CALU: variants seen among roughly 807,000 people sequenced by gnomAD.
CALU encodes IEF SSP 9302.
A neutral mutation model predicts 37.5 loss-of-function variants in CALU; 13 were observed. The ratio of observed to expected loss-of-function variants is 0.35; its 90% CI spans 0.23 to 0.55. The LOEUF is 0.55. CALU is among the 20% of genes least tolerant of loss of function. The probability of loss-of-function intolerance (pLI) is 0.89; values close to 1 mark genes in which losing one functional copy is unlikely to be tolerated. For missense variants in CALU, 282 were observed against 391.7 expected (o/e 0.72, Z 2.36); for synonymous variants, 114 against 133.8 (o/e 0.85, Z 1.02).
intron 1 of CALU, among the ~76,000 whole-genome samples, chr7:128,742,460 T>A (rs1354004490): frequency 6.6e-6 from 1 of 152,256 alleles, no homozygotes; most frequent in Non-Finnish European, 1.5e-5. Flanking sequence ...TCAACCATAA[T>A]AACTGTTGGA....
Position 128,769,227 on chromosome 7 carries a change from A to G in CALU, c.*60A>G, listed in dbSNP as rs1313802011. 4.3e-6 allele frequency: 4 copies of G among 932,818 alleles called. No homozygotes were observed. Among genetic ancestry groups the G allele is most frequent in the Non-Finnish European group, 5.0e-6 (3 of 594,546 alleles). 57.8% of individuals were successfully genotyped at this position (932,818 alleles called of 1,614,324 possible). On this transcript the variant is annotated 3_prime_UTR_variant, in exon 7 of 7. Coordinates refer to ENST00000249364, the MANE Select transcript of CALU (RefSeq NM_001219.5). ...TTATTTTTACAGCTTCTGGTTTCAC[A>G]TGAAATTGTTTGCGCTACTGAGACT...
intron 1 of CALU, among the ~76,000 whole-genome samples, chr7:128,741,990 A>G (rs1800259421): frequency 1.3e-5 from 2 of 152,198 alleles, no homozygotes; most frequent in Admixed American, 1.3e-4. Flanking sequence ...GCCAGATTTT[A>G]CACTTCTATT....
rs899016738 is a variant in CALU at position 128,773,372 on chromosome 7, C to T, written c.*4205C>T. Among the ~76,000 whole-genome samples the T allele has an allele frequency of 6.6e-6, 1 of 152,084 alleles. No individual in the cohort carries two copies. The highest frequency in any genetic ancestry group is 2.4e-5 in the African/African-American group (1 of 41,382). On this transcript the variant is annotated 3_prime_UTR_variant, in exon 7 of 7. Transcript: ENST00000249364. ...ACGTGTGCCATGGTGGTTTGCTGCA[C>T]GAGTTTTTCAATAAAATGCTTTCAT... is the stretch of plus-strand genomic sequence containing the variant.
chr7:128,748,531 G>A (rs915295037), intron 1 of CALU, 42 bp from the exon 2 acceptor site: 1 of 1,454,686 alleles, frequency 6.9e-7, no homozygotes, highest in East Asian at 2.3e-5. Context: ...TAGTTATTAA[G>A]CATACTGCCT....
intron 4 of CALU, 148 bp from the exon 5 acceptor site, chr7:128,759,640 TACAG>T: frequency 1.8e-6 from 1 of 562,564 alleles, no homozygotes; most frequent in Non-Finnish European, 3.2e-6. Context: ...GTTTTAACCA[TACAG>T]ACACACATGC....
chr7:128,759,425 G>C (rs1801014140), intron 4 of CALU, among the ~76,000 whole-genome samples: 1 of 152,154 alleles, frequency 6.6e-6, no homozygotes, highest in Admixed American at 6.5e-5. Context: ...TGACAACATA[G>C]ACTATCTATA....
At position 128,764,538 on chromosome 7, in the gene CALU, G is replaced by A. The variant is rs1331656692; in HGVS notation, c.644-2918G>A. 2.6e-5 allele frequency among the ~76,000 whole-genome samples: 4 copies of A among 152,238 alleles called. No homozygotes were observed. The East Asian group carries it at 5.8e-4, about 22-fold the overall frequency. On this transcript the variant is annotated intron_variant, in intron 5 of 6. Coordinates refer to ENST00000249364, the MANE Select transcript of CALU (RefSeq NM_001219.5). ...ATACCATAGCAACTTCTTACCTGCC[G>A]TCTTTCATATGAATAATTTGGACAC...
At chr7:128,762,541 G>C (rs1801161081) in intron 5 of CALU, among the ~76,000 whole-genome samples, 1 of 148,412 alleles carries the variant, frequency 6.7e-6, no homozygotes, top group Non-Finnish European at 1.5e-5. Context: ...GCATTAAAAA[G>C]AAGCCCCATC....
rs752950705 is a variant in CALU at position 128,758,951 on chromosome 7, G to A, written c.496G>A (p.Asp166Asn). 6.2e-7 allele frequency: 1 copy of A among 1,613,560 alleles called. No homozygotes were observed. The change falls in exon 4 of 7, where the codon GAT becomes AAT. Residue 166 changes from aspartate to asparagine, a missense_variant. Physicochemically the swap from Asp to Asn is conservative, Grantham distance 23. Coordinates refer to ENST00000249364, the MANE Select transcript of CALU (RefSeq NM_001219.5). Reference sequence around the variant, plus strand: ...GCGGAGGTTTAAAATGGCAGACAAGGATGGAGACCTCATTGCCACCAAGGA... The same window carrying A: ...GCGGAGGTTTAAAATGGCAGACAAGAATGGAGACCTCATTGCCACCAAGGA... The part of the protein sequence containing the change: ...DERRFKMADK[D>N]GDLIATKEEF...
intron 1 of CALU, among the ~76,000 whole-genome samples, chr7:128,743,813 CT>C (rs1491217764): frequency 6.6e-6 from 1 of 152,060 alleles, no homozygotes; most frequent in South Asian, 2.1e-4. Flanking sequence ...CCAGTCTAAA[CT>C]TTTATAAAGT....
At chr7:128,751,250 T>G (rs1416768950) in intron 2 of CALU, among the ~76,000 whole-genome samples, 2 of 145,310 alleles carry the variant, frequency 1.4e-5, no homozygotes, top group African/African-American at 2.6e-5. Context: ...ATCGCACCAC[T>G]GCACTCCAGC....
intron 3 of CALU, among the ~76,000 whole-genome samples, chr7:128,758,222 T>A (rs1479904145): frequency 6.6e-6 from 1 of 152,168 alleles, no homozygotes; most frequent in African/African-American, 2.4e-5. Context: ...GATTTCTGCG[T>A]TGACTGAAAA....
intron 1 of CALU, among the ~76,000 whole-genome samples, chr7:128,742,805 T>C (rs1180534384): frequency 2.0e-5 from 3 of 152,180 alleles, no homozygotes; most frequent in Admixed American, 1.3e-4. Context: ...TATAAATTAC[T>C]GGAACGATTC....
Position 128,768,859 on chromosome 7 carries a change from A to AAAAAAAC in CALU, c.844-198_844-197insCAAAAAA, listed in dbSNP as rs1269603033. 8.8e-4 allele frequency among the ~76,000 whole-genome samples: 133 copies of AAAAAAAC among 150,306 alleles called. 7 individuals are homozygous for AAAAAAAC. Among genetic ancestry groups the AAAAAAAC allele is most frequent in the African/African-American group, 3.1e-3 (126 of 40,630 alleles). On this transcript the variant is annotated intron_variant, in intron 6 of 6. Transcript: ENST00000249364. ...CGAAACTCCGTCTCAAAAAAAAAAA[A>AAAAAAAC]AAAAAAAAACAAGGAATGTGTAATT...
At position 128,748,750 on chromosome 7, in the gene CALU, A is replaced by C; in HGVS notation, c.167A>C (p.Glu56Ala). The C allele has an allele frequency of 6.2e-7, 1 of 1,614,214 alleles. No homozygotes were observed. The highest frequency in any genetic ancestry group is 8.5e-7 in the Non-Finnish European group (1 of 1,180,032). Residue 56 changes from glutamate (E) to alanine (A), a missense_variant, in exon 2 of 7, where the codon GAA becomes GCA. By Grantham distance (107) the Glu-to-Ala change is moderately radical. Coordinates refer to ENST00000249364, the MANE Select transcript of CALU (RefSeq NM_001219.5). ...DYDHDAFLGA[E>A]EAKTFDQLTP... ...GACCATGATGCCTTCTTGGGTGCTG[A>C]AGAAGCAAAGACCTTTGATCAGCTG...
chr7:128,739,813 T>C (rs893398200), intron 1 of CALU, among the ~76,000 whole-genome samples: 6 of 152,042 alleles, frequency 3.9e-5, no homozygotes, highest in Admixed American at 3.3e-4. Flanking sequence ...GATAGTGTTA[T>C]TGTAAGAGTT....
chr7:128,751,945 G>C (rs769918996), intron 2 of CALU, among the ~76,000 whole-genome samples: 1 of 152,132 alleles, frequency 6.6e-6, no homozygotes, highest in Non-Finnish European at 1.5e-5. Flanking sequence ...TTATTTAGTG[G>C]CGTCCATAGG....
rs1382143104 is a variant in CALU, at chr7:128,772,848, C to T, written c.*3681C>T. Reference sequence around the variant, plus strand: ...CAGTCTAGAACTACTCCTGGGTCTACGGTAATCCTAAACTGGTCAAGTCTG... The same window carrying T: ...CAGTCTAGAACTACTCCTGGGTCTATGGTAATCCTAAACTGGTCAAGTCTG... On this transcript the variant is annotated 3_prime_UTR_variant, in exon 7 of 7. Coordinates refer to ENST00000249364, the MANE Select transcript of CALU (RefSeq NM_001219.5). Among the ~76,000 whole-genome samples the T allele has an allele frequency of 2.0e-5, 3 of 152,188 alleles. No individual in the cohort carries two copies. The highest frequency in any genetic ancestry group is 2.9e-5 in the Non-Finnish European group (2 of 68,032).
chr7:128,762,299 T>C (rs1801148429), intron 5 of CALU, among the ~76,000 whole-genome samples: 1 of 152,108 alleles, frequency 6.6e-6, no homozygotes, highest in South Asian at 2.1e-4. Flanking sequence ...TGTCTCCCTG[T>C]GTATCATATA....
Sources: allele counts gnomAD v4.1 joint callset (sites outside exome capture counted in the v4.1 genomes callset), GRCh38; gene constraint gnomAD v4.1.1; transcripts MANE v1.5; gene names NCBI Gene and HGNC (gene_info 2026-07-23, HGNC 2026-07-21).